SLC12A3: variants seen among roughly 807,000 people sequenced by gnomAD.
SLC12A3 encodes solute carrier family 12 member 3.
In SLC12A3, 104 loss-of-function variants were observed where a neutral mutation model predicts 121.0. That is an observed-to-expected ratio of 0.86 (90% confidence interval 0.73 to 1.01). SLC12A3 has a LOEUF of 1.01. Ranked by LOEUF, SLC12A3 falls within the 50% of genes least tolerant of loss-of-function variation. The probability of loss-of-function intolerance (pLI) is 0.00; values close to 1 mark genes in which losing one functional copy is unlikely to be tolerated. For missense variants in SLC12A3, 1,328 were observed against 1,356.3 expected (o/e 0.98, Z 0.33); for synonymous variants, 536 against 533.4 (o/e 1.00, Z -0.07).
chr16:56,902,628 C>A, intron 24 of SLC12A3, 120 bp downstream of exon 24: 1 of 1,244,122 alleles, frequency 8.0e-7, no homozygotes, highest in Non-Finnish European at 1.1e-6. Flanking sequence ...TCCACTCCGG[C>A]CCCTGAGGTA....
chr16:56,895,572 G>C (rs899125057), intron 22 of SLC12A3, among the ~76,000 whole-genome samples: 5 of 151,188 alleles, frequency 3.3e-5, no homozygotes, highest in Non-Finnish European at 5.9e-5. Context: ...GGAAATGAAG[G>C]CTGGAGAACA....
At position 56,885,333 on chromosome 16, in the gene SLC12A3, A is replaced by G. The variant is rs779914280; in HGVS notation, c.1894A>G (p.Asn632Asp). 1.9e-6 allele frequency: 3 copies of G among 1,555,070 alleles called. No individual in the cohort carries two copies. Among genetic ancestry groups the G allele is most frequent in the Non-Finnish European group, 1.7e-6 (2 of 1,148,794 alleles). ...GGCCCTCAGCTACTCGGTGGGCCTCAATGAGGTGGAAGACCACATCAAGAA... is the reference window on the plus strand; with the variant it reads ...GGCCCTCAGCTACTCGGTGGGCCTCGATGAGGTGGAAGACCACATCAAGAA... The part of the protein sequence containing the change: ...NLALSYSVGL[N>D]EVEDHIKNYR... The change falls in exon 15 of 26, where the codon AAT becomes GAT. Residue 632 changes from asparagine (N) to aspartate (D), a missense_variant. Physicochemically the swap from Asn to Asp is conservative, Grantham distance 23 (BLOSUM62 1). Coordinates refer to ENST00000563236, the MANE Select transcript of SLC12A3 (RefSeq NM_001126108.2).
At chr16:56,905,280 G>A (rs62038189) in intron 25 of SLC12A3, among the ~76,000 whole-genome samples, 11 of 149,418 alleles carry the variant, frequency 7.4e-5, no homozygotes, top group African/African-American at 1.5e-4. Flanking sequence ...CAGAGGTTGC[G>A]GTGAGCCGAG....
In SLC12A3 at chr16:56,894,557, C is replaced by A. The variant is rs765240540; in HGVS notation, c.2548C>A (p.Leu850Ile). ...GGLTLLIPYL[L>I]GRKRRWSKCK... ...CCTCACCCTCCTCATTCCCTATCTCCTTGGCCGCAAGAGGAGGTGGAGCAA... is the reference window on the plus strand; with the variant it reads ...CCTCACCCTCCTCATTCCCTATCTCATTGGCCGCAAGAGGAGGTGGAGCAA... The change falls in exon 22 of 26, where the codon CTT becomes ATT. Residue 850 changes from leucine to isoleucine, a missense_variant. By Grantham distance (5) the Leu-to-Ile change is conservative (BLOSUM62 2). Coordinates refer to ENST00000563236, the MANE Select transcript of SLC12A3 (RefSeq NM_001126108.2). The A allele has an allele frequency of 6.2e-7, 1 of 1,613,984 alleles. No homozygotes were observed. Among genetic ancestry groups the A allele is most frequent in the East Asian group, 2.2e-5 (1 of 44,886 alleles).
In SLC12A3 at chr16:56,872,828, A is replaced by C. The variant is rs974909049; in HGVS notation, c.1095+42A>C. 16 of 1,612,708 alleles carry C rather than the reference A, an allele frequency of 9.9e-6. No homozygotes were observed. The South Asian group carries it at 1.8e-4, about 18-fold the overall frequency. On this transcript the variant is annotated intron_variant, in intron 8 of 25. Transcript: ENST00000563236. ...CCCCTCCTGTGTCCTGGCACTGCAC[A>C]GGGGCTATGAGCAGAATCCTGCCCC...
At chr16:56,892,802 C>G in intron 20 of SLC12A3, 151 bp from the exon 21 acceptor site, 1 of 668,664 alleles carries the variant, frequency 1.5e-6, no homozygotes, top group South Asian at 1.7e-5. Context: ...AGGGGCACAT[C>G]ACAGCACTGA....
chr16:56,868,152 C>T (rs567724046), intron 2 of SLC12A3, 145 bp from the exon 3 acceptor site: 22 of 750,960 alleles, frequency 2.9e-5, no homozygotes, highest in African/African-American at 2.1e-4. Context: ...GAACCAGACT[C>T]GGAACCTACT....
chr16:56,879,200 C>T lies in SLC12A3; in HGVS notation c.1308C>T (p.Cys436=). 2 of 1,613,920 alleles carry T rather than the reference C, an allele frequency of 1.2e-6. No individual in the cohort carries two copies. The highest frequency in any genetic ancestry group is 1.7e-6 in the Non-Finnish European group (2 of 1,180,022). Residue 436 remains cysteine (C), a synonymous_variant, in exon 10 of 26, where the codon TGC becomes TGT. Coordinates refer to ENST00000563236, the MANE Select transcript of SLC12A3 (RefSeq NM_001126108.2). Reference sequence around the variant, plus strand: ...CCGAGTGCACCCAGCAGCACAGCTGCCACTACGGCCTCATCAACTATTACC... The same window carrying T: ...CCGAGTGCACCCAGCAGCACAGCTGTCACTACGGCCTCATCAACTATTACC... ...NFTECTQQHS[C]HYGLINYYQT...
chr16:56,882,344 C>A, intron 12 of SLC12A3, 52 bp from the exon 13 acceptor site: 1 of 1,477,666 alleles, frequency 6.8e-7, no homozygotes. Context: ...CCAAGCCAGT[C>A]CTTGGCAGAG....
intron 22 of SLC12A3, among the ~76,000 whole-genome samples, chr16:56,895,826 G>A (rs1172561480): frequency 6.6e-6 from 1 of 151,938 alleles, no homozygotes; most frequent in Non-Finnish European, 1.5e-5. Context: ...TGGGAGCCCC[G>A]AGCTTGTTTT....
intron 25 of SLC12A3, chr16:56,904,693 G>T (rs2055584421): frequency 3.8e-6 from 2 of 528,038 alleles, no homozygotes; most frequent in Non-Finnish European, 6.9e-6. Flanking sequence ...CGTGTCCCAG[G>T]CATCAGTGAC....
At chr16:56,898,374 T>C (rs1242110420) in intron 22 of SLC12A3, among the ~76,000 whole-genome samples, 1 of 152,184 alleles carries the variant, frequency 6.6e-6, no homozygotes, top group Non-Finnish European at 1.5e-5. Flanking sequence ...TTCTCCTGCC[T>C]CAGCCTCCCG....
chr16:56,898,665 C>A (rs755779518), intron 22 of SLC12A3, among the ~76,000 whole-genome samples: 1 of 152,124 alleles, frequency 6.6e-6, no homozygotes, highest in African/African-American at 2.4e-5. Context: ...TCCAGCCAGA[C>A]CGCCACCTCT....
intron 20 of SLC12A3, 133 bp from the exon 21 acceptor site, chr16:56,892,819 TG>T: frequency 1.4e-6 from 1 of 706,748 alleles, no homozygotes. Context: ...CTGAGCGTCC[TG>T]GGCCCCGGTT....
chr16:56,869,955 G>T (rs1596890757), intron 4 of SLC12A3, 131 bp downstream of exon 4: 1 of 1,369,546 alleles, frequency 7.3e-7, no homozygotes, highest in East Asian at 2.3e-5. Context: ...CTCTAGGCAG[G>T]CTGTCTACAC....
chr16:56,904,960 G>A (rs1198874231), intron 25 of SLC12A3: 6 of 234,638 alleles, frequency 2.6e-5, no homozygotes, highest in Non-Finnish European at 5.1e-5. Flanking sequence ...TATTAGCCAG[G>A]GCTGAGCAAG....
At chr16:56,879,422 T>C (rs2055207356) in intron 10 of SLC12A3, 120 bp from the exon 11 acceptor site, 2 of 1,070,594 alleles carry the variant, frequency 1.9e-6, no homozygotes, top group Non-Finnish European at 2.8e-6. Flanking sequence ...AGGGGTGGGT[T>C]GTGGACTCAG....
intron 25 of SLC12A3, chr16:56,904,868 C>A: frequency 3.0e-6 from 1 of 337,898 alleles, no homozygotes; most frequent in Non-Finnish European, 5.8e-6. Flanking sequence ...TGGTTCCAAG[C>A]CTGAGCAACA....
chr16:56,913,483 G>A lies in SLC12A3; in HGVS notation c.*78G>A. ...AACTTGATTGCCTCTAGTCCACAGGGATGAGACTCATGTTCTGTTGCACTT... is the reference window on the plus strand; with the variant it reads ...AACTTGATTGCCTCTAGTCCACAGGAATGAGACTCATGTTCTGTTGCACTT... On this transcript the variant is annotated 3_prime_UTR_variant, in exon 26 of 26. Coordinates refer to ENST00000563236, the MANE Select transcript of SLC12A3 (RefSeq NM_001126108.2). 2.9e-6 allele frequency: 4 copies of A among 1,385,076 alleles called. No homozygotes were observed. The highest frequency in any genetic ancestry group is 4.1e-6 in the Non-Finnish European group (4 of 971,244). The allele number at this position is 1,385,076 out of a possible 1,614,324, so 85.8% of individuals were successfully genotyped here.
Sources: gnomAD v4.1 joint callset for allele counts (sites outside exome capture counted in the v4.1 genomes callset) on GRCh38, gnomAD v4.1.1 for gene constraint, MANE v1.5 for transcripts, NCBI Gene and HGNC (gene_info 2026-07-23, HGNC 2026-07-21) for gene names.